Variants in FKBP15 observed in about 807,000 individuals in gnomAD.
The protein encoded by FKBP15 is FKBP prolyl isomerase family member 15, also known as FK506-binding protein 15.
In FKBP15, 106 loss-of-function variants were observed where a neutral mutation model predicts 158.1. The observed-to-expected ratio is 0.67, with a 90% CI of 0.57 to 0.79. FKBP15 has a LOEUF of 0.79. FKBP15 is among the 30% of genes least tolerant of loss of function. The probability of loss-of-function intolerance (pLI) is 0.00; values close to 1 mark genes in which losing one functional copy is unlikely to be tolerated. For missense variants in FKBP15, 1,287 were observed against 1,479.1 expected, an observed-to-expected ratio of 0.87 and a Z score of 2.13; for synonymous variants, 547 against 548.6, an observed-to-expected ratio of 1.00 and a Z score of 0.04.
intron 8 of FKBP15, among the ~76,000 whole-genome samples, chr9:113,197,794 A>G (rs1027390059): frequency 4.6e-5 from 7 of 152,224 alleles, no homozygotes; most frequent in African/African-American, 1.7e-4. Context: ...CAATAACTGA[A>G]GCTCGTGGAG....
Position 113,163,137 on chromosome 9 carries a change from G to A in FKBP15, c.*2941C>T, listed in dbSNP as rs148428589. The A allele has an allele frequency of 1.3e-3, 564 of 442,030 alleles. 1 individual carries two copies. The highest frequency in any genetic ancestry group is 0.01 in the African/African-American group (514 of 49,438). The allele number at this position is 442,030 out of a possible 1,614,324, so 27.4% of individuals were successfully genotyped here. On this transcript the variant is annotated 3_prime_UTR_variant, in exon 28 of 28. Coordinates refer to ENST00000238256, the MANE Select transcript of FKBP15 (RefSeq NM_015258.2). Reference sequence around the variant, plus strand: ...CTACGTAGGGCCCAGGCATGGTCTTGTGTCTTAAGACAGCTGCTGTGACCA... The same window carrying A: ...CTACGTAGGGCCCAGGCATGGTCTTATGTCTTAAGACAGCTGCTGTGACCA...
chr9:113,171,201 G>A (rs1420156671), intron 24 of FKBP15, among the ~76,000 whole-genome samples: 1 of 152,222 alleles, frequency 6.6e-6, no homozygotes, highest in Non-Finnish European at 1.5e-5. Flanking sequence ...GCTGAGGCAG[G>A]CGGATCACAA....
chr9:113,178,949 T>C (rs1830344889), intron 19 of FKBP15, 148 bp from the exon 20 acceptor site: 1 of 674,240 alleles, frequency 1.5e-6, no homozygotes, highest in Non-Finnish European at 2.5e-6. Context: ...ATTCAAATTA[T>C]GGGGTGGACC....
Position 113,184,918 on chromosome 9 carries a change from G to C in FKBP15, c.1499-114C>G, listed in dbSNP as rs1830460490. The C allele has an allele frequency of 1.2e-6, 1 of 805,366 alleles. No homozygotes were observed. The highest frequency in any genetic ancestry group is 2.0e-6 in the Non-Finnish European group (1 of 506,380). 49.9% of individuals were successfully genotyped at this position (805,366 alleles called of 1,614,324 possible). On this transcript the variant is annotated intron_variant, in intron 15 of 27. Transcript: ENST00000238256. The surrounding 1 kb of genome is among the most constrained non-coding windows in gnomAD (Gnocchi z 4.5). ...AGAAATTAATACTTCCATACACTAG[G>C]AAATGCTATAGGTGACTTCACCCTG...
At position 113,202,967 on chromosome 9, in the gene FKBP15, C is replaced by G. The variant is rs936617068; in HGVS notation, c.393G>C (p.Glu131Asp). The change falls in exon 5 of 28, where the codon GAG becomes GAC. Residue 131 changes from glutamate (E) to aspartate (D), a missense_variant. Coordinates refer to ENST00000238256, the MANE Select transcript of FKBP15 (RefSeq NM_015258.2). ...VTVARIHVNF[E>D]LMVRPNNYST... ...CAATATGATGAAGTCTTACCATTAG[C>G]TCAAAGTTCACATGAATCCTAGCAA... 9 of 1,611,478 alleles carry G rather than the reference C, an allele frequency of 5.6e-6. 1 individual carries two copies. Among genetic ancestry groups the G allele is most frequent in the Non-Finnish European group, 7.6e-6 (9 of 1,178,514 alleles).
intron 19 of FKBP15, among the ~76,000 whole-genome samples, chr9:113,180,519 AC>A (rs950989303): frequency 4.6e-5 from 7 of 152,220 alleles, no homozygotes; most frequent in African/African-American, 1.7e-4. Flanking sequence ...CCTGGTTCCT[AC>A]CCTGGATCAA....
At chr9:113,213,426 T>A (rs1303180232) in intron 1 of FKBP15, among the ~76,000 whole-genome samples, 2 of 150,880 alleles carry the variant, frequency 1.3e-5, no homozygotes, top group Non-Finnish European at 3.0e-5. Context: ...AAAAAAAAAT[T>A]ATCCAGTCTT....
At chr9:113,201,277 T>G (rs1830787370) in intron 6 of FKBP15, among the ~76,000 whole-genome samples, 1 of 151,968 alleles carries the variant, frequency 6.6e-6, no homozygotes, top group Admixed American at 6.6e-5. Flanking sequence ...ACCCAATCAC[T>G]CACTTACTGA....
intron 5 of FKBP15, 75 bp from the exon 6 acceptor site, chr9:113,202,704 G>A: frequency 1.6e-6 from 2 of 1,213,966 alleles, no homozygotes. Context: ...TAAGCTCATA[G>A]AGTAGGGTCT....
chr9:113,161,390 G>T lies in FKBP15; in HGVS notation c.*4688C>A. On this transcript the variant is annotated 3_prime_UTR_variant, in exon 28 of 28. Transcript: ENST00000238256. ...GTGAAGAAGTTCGGAACTCAGCAAG[G>T]GTGGGGAAGAAGGTGCAGGATAGAG... is the stretch of plus-strand genomic sequence containing the variant. The T allele has an allele frequency of 1.1e-6, 1 of 896,834 alleles. No homozygotes were observed. Among genetic ancestry groups the T allele is most frequent in the South Asian group, 1.5e-5 (1 of 66,506 alleles). The allele number at this position is 896,834 out of a possible 1,614,324, so 55.6% of individuals were successfully genotyped here.
chr9:113,198,838 C>A lies in FKBP15; in HGVS notation c.717+17G>T. 1 of 1,573,266 alleles carries A rather than the reference C, an allele frequency of 6.4e-7. No individual in the cohort carries two copies. Among genetic ancestry groups the A allele is most frequent in the Non-Finnish European group, 8.7e-7 (1 of 1,155,216 alleles). ...TGCAACTGATAAAACCATAAAAAAA[C>A]ACAGTTAAGCCTTTACCTTGATGAC... On this transcript the variant is annotated intron_variant, in intron 8 of 27. Transcript: ENST00000238256. This position sits in a 1 kb window ranked among gnomAD's most constrained non-coding sequence, Gnocchi z 5.2.
At chr9:113,206,959 G>C in intron 3 of FKBP15, 1 of 463,790 alleles carries the variant, frequency 2.2e-6, no homozygotes, top group Admixed American at 3.6e-5. Flanking sequence ...TGCTATCTCA[G>C]TGGAGAGGCT....
intron 1 of FKBP15, among the ~76,000 whole-genome samples, chr9:113,219,339 T>C (rs557244461): frequency 1.3e-5 from 2 of 152,336 alleles, no homozygotes; most frequent in Non-Finnish European, 2.9e-5. Flanking sequence ...TACAGTAATA[T>C]ATGGCTATAA....
At position 113,165,887 on chromosome 9, in the gene FKBP15, A is replaced by G. The variant is rs1830090683; in HGVS notation, c.*191T>C. 3 of 543,776 alleles carry G rather than the reference A, an allele frequency of 5.5e-6. No homozygotes were observed. Among genetic ancestry groups the G allele is most frequent in the Non-Finnish European group, 9.9e-6 (3 of 302,408 alleles). The allele number at this position is 543,776 out of a possible 1,614,324, so 33.7% of individuals were successfully genotyped here. A position where few individuals can be genotyped will look rare whatever the true frequency, so the allele number is the denominator to read the frequency against. On this transcript the variant is annotated 3_prime_UTR_variant, in exon 28 of 28. Transcript: ENST00000238256. ...TCCCAGTGTTCTTGAAGACAGGGTTATGATCCTCTTCACCAGGTCTGGCGG... is the reference window on the plus strand; with the variant it reads ...TCCCAGTGTTCTTGAAGACAGGGTTGTGATCCTCTTCACCAGGTCTGGCGG...
chr9:113,184,438 T>C lies in FKBP15; in HGVS notation c.1609-39A>G. 1 of 1,453,848 alleles carries C rather than the reference T, an allele frequency of 6.9e-7. No individual in the cohort carries two copies. Among genetic ancestry groups the C allele is most frequent in the South Asian group, 1.2e-5 (1 of 82,726 alleles). 90.1% of individuals were successfully genotyped at this position (1,453,848 alleles called of 1,614,324 possible). ...ACCAGAAAGACCTTGTGAGAAATTA[T>C]AAAATGAAGAAATACAATTTACCCA... On this transcript the variant is annotated intron_variant, in intron 16 of 27. Coordinates refer to ENST00000238256, the MANE Select transcript of FKBP15 (RefSeq NM_015258.2). This position sits in a 1 kb window ranked among gnomAD's most constrained non-coding sequence, Gnocchi z 4.5.
At chr9:113,212,141 A>T (rs1277178555) in intron 1 of FKBP15, among the ~76,000 whole-genome samples, 1 of 151,660 alleles carries the variant, frequency 6.6e-6, no homozygotes, top group Non-Finnish European at 1.5e-5. Flanking sequence ...CTTATCCCCC[A>T]CCATTCCACT....
intron 11 of FKBP15, among the ~76,000 whole-genome samples, chr9:113,191,209 A>G (rs767808221): frequency 4.0e-5 from 6 of 150,752 alleles, no homozygotes; most frequent in Non-Finnish European, 7.4e-5. Context: ...TGGGTTCTCT[A>G]TCACCCAGGT....
Position 113,198,840 on chromosome 9 carries a change from C to A in FKBP15, c.717+15G>T. 1 of 1,583,438 alleles carries A rather than the reference C, an allele frequency of 6.3e-7. No individual in the cohort carries two copies. The highest frequency in any genetic ancestry group is 8.6e-7 in the Non-Finnish European group (1 of 1,160,442). ...CAACTGATAAAACCATAAAAAAACA[C>A]AGTTAAGCCTTTACCTTGATGACTT... On this transcript the variant is annotated intron_variant, in intron 8 of 27. Transcript: ENST00000238256. This position sits in a 1 kb window ranked among gnomAD's most constrained non-coding sequence, Gnocchi z 5.2.
chr9:113,173,413 C>T, intron 23 of FKBP15, 40 bp downstream of exon 23: 2 of 1,587,662 alleles, frequency 1.3e-6, no homozygotes, highest in South Asian at 2.2e-5. Context: ...CTCAAATTAA[C>T]TGGGCTGCCT....
Sources: gnomAD v4.1 joint callset for allele counts (sites outside exome capture counted in the v4.1 genomes callset) on GRCh38, gnomAD v4.1.1 for gene constraint, Gnocchi (gnomAD v3.1) non-coding constraint, MANE v1.5 for transcripts, NCBI Gene and HGNC (gene_info 2026-07-23, HGNC 2026-07-21) for gene names.